Variants in SCAPER observed in about 807,000 individuals in gnomAD.
SCAPER encodes S-phase cyclin A associated protein in the ER, also known as S phase cyclin A-associated protein in the endoplasmic reticulum.
SCAPER carries 98 observed loss-of-function variants against 182.2 expected under a neutral mutation model. The observed-to-expected ratio is 0.54, with a 90% CI of 0.46 to 0.64. SCAPER has a LOEUF of 0.64. Ranked by LOEUF, SCAPER falls within the 30% of genes least tolerant of loss-of-function variation. The probability of loss-of-function intolerance (pLI) is 0.00; values close to 1 mark genes in which losing one functional copy is unlikely to be tolerated. For missense variants in SCAPER, 1,432 were observed against 1,690.0 expected, an observed-to-expected ratio of 0.85 and a Z score of 2.68; for synonymous variants, 605 against 564.6, an observed-to-expected ratio of 1.07 and a Z score of -1.01.
At chr15:76,866,028 C>T (rs975124152) in intron 2 of SCAPER, among the ~76,000 whole-genome samples, 3 of 152,140 alleles carry the variant, frequency 2.0e-5, no homozygotes, top group African/African-American at 4.8e-5. Flanking sequence ...CAGAAAACTT[C>T]GTCCTTTAGC....
At position 76,607,666 on chromosome 15, in the gene SCAPER, G is replaced by T. The variant is rs527280499; in HGVS notation, c.2711+14098C>A. 5.3e-4 allele frequency among the ~76,000 whole-genome samples: 81 copies of T among 152,334 alleles called. 1 individual carries two copies. The highest frequency in any genetic ancestry group is 1.7e-3 in the African/African-American group (72 of 41,578). On this transcript the variant is annotated intron_variant, in intron 22 of 31. Transcript: ENST00000563290. ...CTTTCAGGTACACCAATCAGACGCAGATTTGGTCTTTTCACATAGTCCCAT... is the reference window on the plus strand; with the variant it reads ...CTTTCAGGTACACCAATCAGACGCATATTTGGTCTTTTCACATAGTCCCAT...
intron 8 of SCAPER, among the ~76,000 whole-genome samples, chr15:76,780,875 CT>C (rs1485061663): frequency 1.3e-5 from 2 of 152,232 alleles, no homozygotes; most frequent in Non-Finnish European, 2.9e-5. Context: ...AAAACCCCAT[CT>C]GTAGGTCACC....
At chr15:76,665,863 C>T (rs1598027497) in intron 20 of SCAPER, 74 bp from the exon 21 acceptor site, 6 of 1,256,930 alleles carry the variant, frequency 4.8e-6, no homozygotes, top group South Asian at 1.7e-5. Flanking sequence ...CTATAGACTA[C>T]AGTGAGTTTA....
At chr15:76,500,471 A>G (rs1260393175) in intron 24 of SCAPER, among the ~76,000 whole-genome samples, 1 of 152,130 alleles carries the variant, frequency 6.6e-6, no homozygotes, top group Non-Finnish European at 1.5e-5. Context: ...AATTATGAAC[A>G]TCTACTGCTG....
chr15:76,883,071 G>C (rs545273230), intron 2 of SCAPER, among the ~76,000 whole-genome samples: 119 of 152,262 alleles, frequency 7.8e-4, no homozygotes, highest in African/African-American at 2.7e-3. Context: ...GTAACTAATT[G>C]AGTAAACACA....
intron 20 of SCAPER, among the ~76,000 whole-genome samples, chr15:76,688,082 C>T (rs1598165969): frequency 6.6e-6 from 1 of 152,292 alleles, no homozygotes; most frequent in South Asian, 2.1e-4. Flanking sequence ...TCCTATTTCT[C>T]CACATCCTCT....
chr15:76,649,102 AG>A (rs2054794616), intron 21 of SCAPER, among the ~76,000 whole-genome samples: 1 of 124,532 alleles, frequency 8.0e-6, no homozygotes, highest in Non-Finnish European at 2.0e-5. Context: ...CTCTTTCTGC[AG>A]GAGAGAGAGC....
At chr15:76,830,751 A>C (rs1049857704) in intron 5 of SCAPER, among the ~76,000 whole-genome samples, 1 of 152,060 alleles carries the variant, frequency 6.6e-6, no homozygotes, top group Non-Finnish European at 1.5e-5. Context: ...AAAATGGCCA[A>C]CTAGACGTAG....
At chr15:76,773,279 G>T (rs774880863) in intron 9 of SCAPER, among the ~76,000 whole-genome samples, 4 of 151,816 alleles carry the variant, frequency 2.6e-5, no homozygotes, top group African/African-American at 4.8e-5. Context: ...TAACTTGGCT[G>T]CCATCAGCAG....
At chr15:76,811,144 A>C (rs903679272) in intron 5 of SCAPER, among the ~76,000 whole-genome samples, 1 of 150,042 alleles carries the variant, frequency 6.7e-6, no homozygotes, top group African/African-American at 2.4e-5. Flanking sequence ...AAAGACAACG[A>C]AACAATACAA....
At chr15:76,887,821 T>C (rs1305895068) in intron 1 of SCAPER, among the ~76,000 whole-genome samples, 1 of 152,232 alleles carries the variant, frequency 6.6e-6, no homozygotes, top group Non-Finnish European at 1.5e-5. Context: ...AGCATGGCGT[T>C]TGACCTCTGA....
chr15:76,860,793 A>C (rs944909712), intron 3 of SCAPER, among the ~76,000 whole-genome samples: 2 of 152,166 alleles, frequency 1.3e-5, no homozygotes, highest in Non-Finnish European at 2.9e-5. Context: ...ATAAAATAAA[A>C]TGTAAACATA....
At chr15:76,897,309 T>C (rs1177727100) in intron 1 of SCAPER, among the ~76,000 whole-genome samples, 3 of 152,094 alleles carry the variant, frequency 2.0e-5, no homozygotes, top group Non-Finnish European at 2.9e-5. Context: ...TATTTCCAAA[T>C]TACAGATTAC....
intron 24 of SCAPER, among the ~76,000 whole-genome samples, chr15:76,497,035 C>G (rs928401538): frequency 6.7e-6 from 1 of 150,234 alleles, no homozygotes; most frequent in African/African-American, 2.4e-5. Context: ...AGAGCTGGAA[C>G]AATGCTAGCT....
chr15:76,430,486 C>T (rs1447193208), intron 26 of SCAPER, among the ~76,000 whole-genome samples: 1 of 152,242 alleles, frequency 6.6e-6, no homozygotes, highest in East Asian at 1.9e-4. Flanking sequence ...GGGAACCCAC[C>T]TCTTGCAACA....
At chr15:76,488,299 T>A (rs1475675246) in intron 24 of SCAPER, among the ~76,000 whole-genome samples, 1 of 152,212 alleles carries the variant, frequency 6.6e-6, no homozygotes, top group African/African-American at 2.4e-5. Context: ...CAGAGGATGA[T>A]AAAATTTGAA....
intron 2 of SCAPER, among the ~76,000 whole-genome samples, chr15:76,874,894 T>C: frequency 6.6e-6 from 1 of 152,040 alleles, no homozygotes; most frequent in South Asian, 2.1e-4. Context: ...GCCCAGGAGT[T>C]CAAGGTTTCA....
intron 29 of SCAPER, among the ~76,000 whole-genome samples, chr15:76,360,575 G>C (rs899500116): frequency 1.3e-5 from 2 of 152,246 alleles, no homozygotes; most frequent in Non-Finnish European, 2.9e-5. Flanking sequence ...TCCATGACTG[G>C]CTGCCAGCCA....
chr15:76,738,290 G>A (rs1264705992), intron 15 of SCAPER, among the ~76,000 whole-genome samples: 1 of 152,004 alleles, frequency 6.6e-6, no homozygotes, highest in Non-Finnish European at 1.5e-5. Context: ...GACCACATCT[G>A]GCTAATTTTT....
Sources: gnomAD v4.1 joint callset for allele counts (sites outside exome capture counted in the v4.1 genomes callset) on GRCh38, gnomAD v4.1.1 for gene constraint, MANE v1.5 for transcripts, NCBI Gene and HGNC (gene_info 2026-07-23, HGNC 2026-07-21) for gene names.